Variants in SCUBE1 observed in about 807,000 individuals in gnomAD.
The protein encoded by SCUBE1 is signal peptide, CUB domain and EGF like domain containing 1.
SCUBE1 carries 59 observed loss-of-function variants against 124.4 expected under a neutral mutation model. That is an observed-to-expected ratio of 0.47 (90% CI 0.38 to 0.59). SCUBE1 has a LOEUF of 0.59. Among genes scored for constraint, SCUBE1 ranks in the 20% least tolerant of loss-of-function variants. The probability of loss-of-function intolerance (pLI) is 0.00; values close to 1 mark genes in which losing one functional copy is unlikely to be tolerated. For synonymous variants in SCUBE1, 545 were observed against 550.9 expected, an observed-to-expected ratio of 0.99 and a Z score of 0.15; for missense variants, 1,150 against 1,371.2, an observed-to-expected ratio of 0.84 and a Z score of 2.55.
At chr22:43,219,981 T>C (rs896329420) in intron 14 of SCUBE1, among the ~76,000 whole-genome samples, 2 of 152,192 alleles carry the variant, frequency 1.3e-5, no homozygotes, top group African/African-American at 4.8e-5. Context: ...CACACTTATC[T>C]GCTGACAGAT....
chr22:43,250,376 C>T (rs540907800), intron 6 of SCUBE1, among the ~76,000 whole-genome samples: 53 of 152,284 alleles, frequency 3.5e-4, no homozygotes, highest in Admixed American at 9.8e-4. Context: ...TCTAATAGTA[C>T]GGAGGGACAG....
intron 2 of SCUBE1, among the ~76,000 whole-genome samples, chr22:43,333,472 G>C (rs1007705599): frequency 1.3e-5 from 2 of 152,208 alleles, no homozygotes; most frequent in African/African-American, 4.8e-5. Flanking sequence ...TTCCCAGAAT[G>C]GGGGGCAGGT....
chr22:43,281,812 T>C (rs1251754163), intron 4 of SCUBE1: 2 of 154,356 alleles, frequency 1.3e-5, no homozygotes, highest in Admixed American at 6.5e-5. Flanking sequence ...CTTCTCCTCA[T>C]GGCTGACAGG....
chr22:43,227,336 T>A, intron 10 of SCUBE1, 38 bp downstream of exon 10: 1 of 1,591,500 alleles, frequency 6.3e-7, no homozygotes, highest in East Asian at 2.3e-5. Context: ...CAAGCCCAGG[T>A]GCAGGGGAGG....
At chr22:43,340,037 G>A (rs1358228868) in intron 1 of SCUBE1, among the ~76,000 whole-genome samples, 3 of 143,016 alleles carry the variant, frequency 2.1e-5, no homozygotes, top group Non-Finnish European at 4.5e-5. Context: ...AGGGTCCTTG[G>A]AGGAGTTTAA....
chr22:43,208,831 C>T (rs1921410238), intron 19 of SCUBE1, among the ~76,000 whole-genome samples: 1 of 152,238 alleles, frequency 6.6e-6, no homozygotes, highest in African/African-American at 2.4e-5. Context: ...CCATCCTTTT[C>T]TCAGACACGG....
intron 4 of SCUBE1, among the ~76,000 whole-genome samples, chr22:43,280,671 T>C (rs550224523): frequency 6.7e-6 from 1 of 148,732 alleles, no homozygotes; most frequent in South Asian, 2.2e-4. Flanking sequence ...CAGCCCTCCT[T>C]CTGTCACCTT....
In SCUBE1 at chr22:43,234,865, C is replaced by T. The variant is rs1180630949; in HGVS notation, c.845-2990G>A. On this transcript the variant is annotated intron_variant, in intron 7 of 21. Coordinates refer to ENST00000360835, the MANE Select transcript of SCUBE1 (RefSeq NM_173050.5). This position sits in a 1 kb window ranked among gnomAD's most constrained non-coding sequence, Gnocchi z 4.4. ...CCAGCCCGGCCAGGCTGCTTTGCCT[C>T]CTTTCTCCAGGCTGCTTGGCTCCTG... 6.6e-6 allele frequency among the ~76,000 whole-genome samples: 1 copy of T among 152,210 alleles called. No individual in the cohort carries two copies. Among genetic ancestry groups the T allele is most frequent in the Admixed American group, 6.5e-5 (1 of 15,292 alleles).
At chr22:43,301,109 C>T (rs1344843655) in intron 3 of SCUBE1, among the ~76,000 whole-genome samples, 19 of 152,216 alleles carry the variant, frequency 1.2e-4, no homozygotes, top group Admixed American at 9.2e-4. Flanking sequence ...CTGCTTTCTC[C>T]CCACATTGAA....
At chr22:43,215,891 TCACA>T (rs1336556556) in intron 15 of SCUBE1, among the ~76,000 whole-genome samples, 1 of 150,430 alleles carries the variant, frequency 6.6e-6, no homozygotes, top group East Asian at 1.9e-4. Context: ...GACTACACAC[TCACA>T]CATGCATGCA....
chr22:43,249,910 G>A (rs1014742822), intron 6 of SCUBE1, among the ~76,000 whole-genome samples: 2 of 152,234 alleles, frequency 1.3e-5, no homozygotes, highest in Non-Finnish European at 2.9e-5. Flanking sequence ...GGCCCTGCCT[G>A]CTCACCTGCA....
intron 7 of SCUBE1, 31 bp from the exon 8 acceptor site, chr22:43,231,906 G>C (rs1048153401): frequency 3.1e-6 from 5 of 1,606,522 alleles, no homozygotes; most frequent in Non-Finnish European, 4.3e-6. Flanking sequence ...GGAGGAGTGA[G>C]AGCCAGGAGA....
chr22:43,245,156 C>T lies in SCUBE1; in HGVS notation c.728-6202G>A, dbSNP rs55905613. On this transcript the variant is annotated intron_variant, in intron 6 of 21. Coordinates refer to ENST00000360835, the MANE Select transcript of SCUBE1 (RefSeq NM_173050.5). ...ATCTCCCGAGGGGCCCTCTGAACTC[C>T]GGGGAGGCCCTGTGGCCCGTCACTA... 2.2e-3 allele frequency among the ~76,000 whole-genome samples: 339 copies of T among 152,374 alleles called. 3 individuals are homozygous for T. The highest frequency in any genetic ancestry group is 4.0e-3 in the Non-Finnish European group (272 of 68,038).
chr22:43,202,964 G>A lies in SCUBE1; in HGVS notation c.*1033C>T, dbSNP rs542374678. ...CCCCAAGGTCACTGCCACAGGGCAAGAGCCAAGGCCCCTTTCGCCGTTTAT... is the reference window on the plus strand; with the variant it reads ...CCCCAAGGTCACTGCCACAGGGCAAAAGCCAAGGCCCCTTTCGCCGTTTAT... On this transcript the variant is annotated 3_prime_UTR_variant, in exon 22 of 22. Transcript: ENST00000360835. The A allele has an allele frequency of 1.3e-5, 2 of 152,478 alleles. No homozygotes were observed. The highest frequency in any genetic ancestry group is 4.8e-5 in the African/African-American group (2 of 41,590). 9.4% of individuals were successfully genotyped at this position (152,478 alleles called of 1,614,324 possible).
At chr22:43,285,113 C>T (rs988260124) in intron 4 of SCUBE1, among the ~76,000 whole-genome samples, 4 of 152,226 alleles carry the variant, frequency 2.6e-5, no homozygotes, top group African/African-American at 9.6e-5. Context: ...AGAGCAGCTG[C>T]ACAGCAGGCT....
At chr22:43,312,188 A>G (rs1926194041) in intron 3 of SCUBE1, among the ~76,000 whole-genome samples, 1 of 152,252 alleles carries the variant, frequency 6.6e-6, no homozygotes, top group African/African-American at 2.4e-5. Flanking sequence ...AATGCCTACA[A>G]TATATCTGAC....
In SCUBE1 at chr22:43,197,444, G is replaced by A. The variant is rs1470457681; in HGVS notation, c.*6553C>T. 5 of 152,254 alleles carry A rather than the reference G, an allele frequency of 3.3e-5. No individual in the cohort carries two copies. The highest frequency in any genetic ancestry group is 1.2e-4 in the African/African-American group (5 of 41,460). 9.4% of individuals were successfully genotyped at this position (152,254 alleles called of 1,614,324 possible). A position where few individuals can be genotyped will look rare whatever the true frequency, so the allele number is the denominator to read the frequency against. ...CTTGCAGGCAGAGTCGTTGCCAAGC[G>A]TCTGGACAATACAGTGCCCTCACAG... On this transcript the variant is annotated 3_prime_UTR_variant, in exon 22 of 22. Transcript: ENST00000360835.
Position 43,258,445 on chromosome 22 carries a change from G to T in SCUBE1, c.611-110C>A. ...GGTATGGGGAAACTGAGGCCTAAGG[G>T]CATCAGTGGGTAGGGTCATGAGGCT... On this transcript the variant is annotated intron_variant, in intron 5 of 21. Coordinates refer to ENST00000360835, the MANE Select transcript of SCUBE1 (RefSeq NM_173050.5). This position sits in a 1 kb window ranked among gnomAD's most constrained non-coding sequence, Gnocchi z 5.0. 1.3e-6 allele frequency: 1 copy of T among 789,760 alleles called. No individual in the cohort carries two copies. Among genetic ancestry groups the T allele is most frequent in the Non-Finnish European group, 2.2e-6 (1 of 445,206 alleles). 48.9% of individuals were successfully genotyped at this position (789,760 alleles called of 1,614,324 possible).
intron 4 of SCUBE1, among the ~76,000 whole-genome samples, chr22:43,290,007 C>A (rs926264900): frequency 2.0e-5 from 3 of 152,200 alleles, no homozygotes; most frequent in African/African-American, 7.2e-5. Flanking sequence ...TGGGGGCGTG[C>A]CTGAACTGGG....
Sources: allele counts gnomAD v4.1 joint callset (sites outside exome capture counted in the v4.1 genomes callset), GRCh38; gene constraint gnomAD v4.1.1; non-coding constraint Gnocchi (gnomAD v3.1); transcripts MANE v1.5; gene names NCBI Gene and HGNC (gene_info 2026-07-23, HGNC 2026-07-21).